HMCN1: variants seen among roughly 807,000 people sequenced by gnomAD.
The protein encoded by HMCN1 is hemicentin 1.
HMCN1 carries 321 observed loss-of-function variants against 625.9 expected under a neutral mutation model. That is an observed-to-expected ratio of 0.51 (90% CI 0.47 to 0.56). The LOEUF (loss-of-function observed/expected upper bound fraction) is 0.56, where lower values mean the gene tolerates loss of function less well. Among genes scored for constraint, HMCN1 ranks in the 20% least tolerant of loss-of-function variants. HMCN1 has a pLI of 0.00. For synonymous variants in HMCN1, 2,425 were observed against 2,417.6 expected (o/e 1.00, Z -0.09); for missense variants, 6,588 against 6,887.3 (o/e 0.96, Z 1.54).
chr1:185,839,398 C>T (rs760934500), intron 1 of HMCN1, among the ~76,000 whole-genome samples: 1 of 152,020 alleles, frequency 6.6e-6, no homozygotes, highest in Non-Finnish European at 1.5e-5. Context: ...TTTCAGGGTA[C>T]CTTGAGAACG....
At position 186,178,641 on chromosome 1, in the gene HMCN1, A is replaced by G; in HGVS notation, c.16169A>G (p.Gln5390Arg). The change falls in exon 104 of 107, where the codon CAG becomes CGG. Residue 5390 changes from glutamine (Q) to arginine (R), a missense_variant. Gln to Arg is a conservative substitution (Grantham distance 43). Coordinates refer to ENST00000271588, the MANE Select transcript of HMCN1 (RefSeq NM_031935.3). ...TATCAACCTCAACAGCATTACAGAC[A>G]GTACTCACATCTCTACAGCTCCTAC... ...NNYQPQQHYR[Q>R]YSHLYSSYSE... 6.2e-7 allele frequency: 1 copy of G among 1,614,094 alleles called. No homozygotes were observed. The highest frequency in any genetic ancestry group is 8.5e-7 in the Non-Finnish European group (1 of 1,179,926).
intron 86 of HMCN1, 125 bp from the exon 87 acceptor site, chr1:186,136,543 G>A: frequency 1.2e-6 from 1 of 836,332 alleles, no homozygotes; most frequent in East Asian, 2.5e-5. Context: ...ATCTTAGTTG[G>A]GAAGCAACAG....
intron 1 of HMCN1, among the ~76,000 whole-genome samples, chr1:185,830,661 C>A (rs1410349963): frequency 6.6e-6 from 1 of 151,908 alleles, no homozygotes; most frequent in Non-Finnish European, 1.5e-5. Flanking sequence ...GGAGGCTGGG[C>A]AGATCACTTG....
At chr1:186,096,521 T>A (rs184223091) in intron 68 of HMCN1, among the ~76,000 whole-genome samples, 251 of 152,246 alleles carry the variant, frequency 1.6e-3, no homozygotes, top group African/African-American at 5.8e-3. Context: ...GAAGTATGGT[T>A]CTCTGGAGTA....
At chr1:186,129,752 C>T (rs953518117) in intron 83 of HMCN1, among the ~76,000 whole-genome samples, 1 of 152,060 alleles carries the variant, frequency 6.6e-6, no homozygotes, top group Non-Finnish European at 1.5e-5. Flanking sequence ...TCCTCTTTTC[C>T]TGTTCCTTCT....
rs148507446 is a variant in HMCN1 at position 185,955,209 on chromosome 1, G to A, written c.1829-7309G>A. On this transcript the variant is annotated intron_variant, in intron 11 of 106. Coordinates refer to ENST00000271588, the MANE Select transcript of HMCN1 (RefSeq NM_031935.3). ...CCAATCCATCTTCCACTGGGCAACCGAGTGAATTTTCCCTAAATATTGTTT... is the reference window on the plus strand; with the variant it reads ...CCAATCCATCTTCCACTGGGCAACCAAGTGAATTTTCCCTAAATATTGTTT... 5.8e-4 allele frequency among the ~76,000 whole-genome samples: 88 copies of A among 152,098 alleles called. No homozygotes were observed. In the East Asian group the frequency reaches 0.013, roughly 22 times the overall value.
Position 185,800,445 on chromosome 1 carries a change from A to G in HMCN1, c.269-45581A>G, listed in dbSNP as rs567734985. ...TTATTTTAACTATATGTTGGAAATC[A>G]TCCAGTCATCTGTTTAGTCTTTAGC... is the stretch of plus-strand genomic sequence containing the variant. On this transcript the variant is annotated intron_variant, in intron 1 of 106. Transcript: ENST00000271588. 3.3e-5 allele frequency among the ~76,000 whole-genome samples: 5 copies of G among 152,310 alleles called. No homozygotes were observed. The South Asian group carries it at 1.0e-3, about 32-fold the overall frequency.
intron 1 of HMCN1, among the ~76,000 whole-genome samples, chr1:185,757,822 G>A (rs981425046): frequency 1.3e-5 from 2 of 152,106 alleles, no homozygotes; most frequent in Non-Finnish European, 2.9e-5. Flanking sequence ...TCCCATTGTA[G>A]GTAATTCCTC....
rs752793602 is a variant in HMCN1 at position 186,001,283 on chromosome 1, CCT to C, written c.4070-10_4070-9del. 3.1e-6 allele frequency: 5 copies of C among 1,606,906 alleles called. No homozygotes were observed. Among genetic ancestry groups the C allele is most frequent in the Non-Finnish European group, 4.3e-6 (5 of 1,174,440 alleles). ...ATTATGAAACTAGCTAGCTATGACT[CCT>C]CTCTTTTTGCAGTTCCTCCAGTAAT... is the stretch of plus-strand genomic sequence containing the variant. On this transcript the variant is annotated splice_polypyrimidine_tract_variant and intron_variant, in intron 26 of 106. Transcript: ENST00000271588.
chr1:185,984,145 A>T (rs982743471), intron 18 of HMCN1, 24 bp from the exon 19 acceptor site: 41 of 1,604,456 alleles, frequency 2.6e-5, no homozygotes, highest in Non-Finnish European at 3.5e-5. Context: ...TTTAAATAAA[A>T]ATTACCTTTT....
At chr1:185,871,188 C>G (rs575225610) in intron 4 of HMCN1, among the ~76,000 whole-genome samples, 1 of 149,182 alleles carries the variant, frequency 6.7e-6, no homozygotes, top group Non-Finnish European at 1.5e-5. Flanking sequence ...AAGATCGTGC[C>G]ACTGCACTCC....
At chr1:185,791,249 T>G (rs1657970800) in intron 1 of HMCN1, among the ~76,000 whole-genome samples, 1 of 152,180 alleles carries the variant, frequency 6.6e-6, no homozygotes, top group Non-Finnish European at 1.5e-5. Flanking sequence ...CAGTGTCTGG[T>G]ACATAGTAGG....
intron 14 of HMCN1, 118 bp downstream of exon 14, chr1:185,966,033 A>G (rs1414184477): frequency 1.1e-5 from 8 of 724,238 alleles, no homozygotes; most frequent in Non-Finnish European, 2.0e-5. Flanking sequence ...AAATGTGTTT[A>G]TGATCTCACT....
intron 103 of HMCN1, chr1:186,176,855 C>G (rs1025044616): frequency 6.6e-6 from 1 of 152,358 alleles, no homozygotes; most frequent in Non-Finnish European, 1.5e-5. Context: ...TCCAGGCAGC[C>G]TCTCTGAGAG....
rs1650385256 is a variant in HMCN1, at chr1:185,966,004, G to C, written c.2212+89G>C. Reference sequence around the variant, plus strand: ...ATTTGTTAAAACTTTGTTTTGGTGTGTGACTTAGCAGCCCCATAAAATGTG... The same window carrying C: ...ATTTGTTAAAACTTTGTTTTGGTGTCTGACTTAGCAGCCCCATAAAATGTG... On this transcript the variant is annotated intron_variant, in intron 14 of 106. Coordinates refer to ENST00000271588, the MANE Select transcript of HMCN1 (RefSeq NM_031935.3). The C allele has an allele frequency of 6.0e-6, 5 of 833,596 alleles. No homozygotes were observed. The Admixed American group carries it at 9.1e-5, about 15-fold the overall frequency. The allele number at this position is 833,596 out of a possible 1,614,324, so 51.6% of individuals were successfully genotyped here.
At chr1:185,871,555 T>C (rs1663623025) in intron 4 of HMCN1, among the ~76,000 whole-genome samples, 1 of 152,226 alleles carries the variant, frequency 6.6e-6, no homozygotes, top group African/African-American at 2.4e-5. Context: ...GTGACCGTTT[T>C]TGGTTTTCTA....
intron 70 of HMCN1, among the ~76,000 whole-genome samples, chr1:186,108,035 T>TAAAAAAAAAAAAAAAAAA (rs559777006): frequency 1.0e-5 from 1 of 98,310 alleles, no homozygotes. Flanking sequence ...GTAAATTCTG[T>TAAAAAAAAAAAAAAAAAA]AAAAAAAAAA....
chr1:186,047,856 A>G (rs369142199), intron 41 of HMCN1, among the ~76,000 whole-genome samples: 27 of 152,236 alleles, frequency 1.8e-4, no homozygotes, highest in South Asian at 8.3e-4. Flanking sequence ...GTTCACACCA[A>G]TTGATTAATA....
chr1:185,848,412 T>C (rs1181941372), intron 2 of HMCN1, among the ~76,000 whole-genome samples: 1 of 152,162 alleles, frequency 6.6e-6, no homozygotes, highest in Non-Finnish European at 1.5e-5. Context: ...ATCTCATTTT[T>C]CCTACTCAAC....
Sources: allele counts gnomAD v4.1 joint callset (sites outside exome capture counted in the v4.1 genomes callset), GRCh38; gene constraint gnomAD v4.1.1; transcripts MANE v1.5; gene names NCBI Gene and HGNC (gene_info 2026-07-23, HGNC 2026-07-21).